The following PPP1R21 variants were observed in gnomAD, a reference collection of about 807,000 sequenced individuals.
PPP1R21 encodes KLRAQ motif containing 1.
Under a neutral mutation model 112.8 loss-of-function variants are expected in PPP1R21, and 85 were observed. That is an observed-to-expected ratio of 0.75 (90% CI 0.63 to 0.90). The LOEUF is 0.90. PPP1R21 is among the 40% of genes least tolerant of loss of function. The probability of loss-of-function intolerance (pLI) is 0.00; values close to 1 mark genes in which losing one functional copy is unlikely to be tolerated. For synonymous variants in PPP1R21, 381 were observed against 322.3 expected (o/e 1.18, Z -1.95); for missense variants, 1,199 against 901.5 (o/e 1.33, Z -4.23).
At chr2:48,504,969 G>C (rs936436733) in intron 17 of PPP1R21, among the ~76,000 whole-genome samples, 2 of 151,986 alleles carry the variant, frequency 1.3e-5, no homozygotes, top group African/African-American at 4.8e-5. Context: ...AATGCAGCCT[G>C]GGTGACAGAG....
At position 48,491,155 on chromosome 2, in the gene PPP1R21, G is replaced by A; in HGVS notation, c.1584G>A (p.Met528Ile). 1.2e-6 allele frequency: 2 copies of A among 1,612,060 alleles called. No homozygotes were observed. Among genetic ancestry groups the A allele is most frequent in the Non-Finnish European group, 1.7e-6 (2 of 1,179,512 alleles). The change falls in exon 15 of 22, where the codon ATG becomes ATA. Residue 528 changes from methionine to isoleucine, a missense_variant. Physicochemically the swap from Met to Ile is conservative, Grantham distance 10. Transcript: ENST00000294952. ...LQYKKKAAAYMKSLRKPLLES... is the reference protein window; with the variant it reads ...LQYKKKAAAYIKSLRKPLLES... Reference sequence around the variant, plus strand: ...ATAAGAAAAAAGCTGCTGCCTATATGAAGTCTTTGAGAAAGGTTTGTTAGC... The same window carrying A: ...ATAAGAAAAAAGCTGCTGCCTATATAAAGTCTTTGAGAAAGGTTTGTTAGC...
chr2:48,474,162 C>T (rs1198914413), intron 11 of PPP1R21, among the ~76,000 whole-genome samples: 1 of 151,038 alleles, frequency 6.6e-6, no homozygotes, highest in Non-Finnish European at 1.5e-5. Context: ...GCAGGCGGAT[C>T]ACCCGAGGTC....
chr2:48,458,408 G>A (rs1667818202), intron 4 of PPP1R21, among the ~76,000 whole-genome samples, 181 bp downstream of exon 4: 1 of 152,148 alleles, frequency 6.6e-6, no homozygotes, highest in Non-Finnish European at 1.5e-5. Flanking sequence ...TCTTAATGTG[G>A]ATGTGTGCTT....
intron 1 of PPP1R21, among the ~76,000 whole-genome samples, chr2:48,446,032 C>A (rs575079764): frequency 3.2e-4 from 48 of 152,166 alleles, no homozygotes; most frequent in African/African-American, 1.2e-3. Flanking sequence ...TTGCACACGT[C>A]ACTTTGTATT....
chr2:48,443,584 T>C (rs1356420595), intron 1 of PPP1R21, among the ~76,000 whole-genome samples: 1 of 152,240 alleles, frequency 6.6e-6, no homozygotes, highest in Non-Finnish European at 1.5e-5. Flanking sequence ...GTAGGAGGCC[T>C]GCCAGACTTG....
intron 9 of PPP1R21, among the ~76,000 whole-genome samples, chr2:48,467,882 C>G (rs1268272028): frequency 6.6e-6 from 1 of 152,202 alleles, no homozygotes; most frequent in Non-Finnish European, 1.5e-5. Flanking sequence ...TACATGTGTG[C>G]TGTAAGTGCC....
intron 3 of PPP1R21, among the ~76,000 whole-genome samples, chr2:48,455,073 A>C (rs1420215030): frequency 6.6e-6 from 1 of 151,782 alleles, no homozygotes; most frequent in Admixed American, 6.6e-5. Flanking sequence ...CCTGGACTCA[A>C]GCGATCCACC....
intron 9 of PPP1R21, 92 bp from the exon 10 acceptor site, chr2:48,470,995 T>A: frequency 1.2e-6 from 1 of 868,376 alleles, no homozygotes; most frequent in Non-Finnish European, 1.9e-6. Context: ...GGTTTACAAT[T>A]TAGGTTTATA....
intron 7 of PPP1R21, among the ~76,000 whole-genome samples, chr2:48,461,923 AAAAG>A (rs1426009146): frequency 6.6e-6 from 1 of 152,216 alleles, no homozygotes; most frequent in East Asian, 1.9e-4. Context: ...AAGACCTAAA[AAAAG>A]AGGAAGAAAA....
intron 17 of PPP1R21, among the ~76,000 whole-genome samples, chr2:48,500,466 T>C (rs993905917): frequency 3.3e-5 from 5 of 152,178 alleles, no homozygotes; most frequent in Admixed American, 1.3e-4. Flanking sequence ...AGAATCATTG[T>C]TTGTTCTGGG....
chr2:48,471,411 T>TAACCA (rs542887997), intron 11 of PPP1R21, 44 bp downstream of exon 11: 3 of 1,539,886 alleles, frequency 1.9e-6, no homozygotes, highest in Non-Finnish European at 2.6e-6. Flanking sequence ...ATTGTGGGTG[T>TAACCA]AACCTGATCT....
At chr2:48,461,626 C>T (rs558248281) in intron 7 of PPP1R21, among the ~76,000 whole-genome samples, 25 of 152,186 alleles carry the variant, frequency 1.6e-4, no homozygotes, top group South Asian at 4.1e-4. Flanking sequence ...TGGTCAATTC[C>T]CAGCAATAGC....
chr2:48,513,676 T>C (rs187619351), intron 21 of PPP1R21, among the ~76,000 whole-genome samples: 49 of 152,320 alleles, frequency 3.2e-4, no homozygotes, highest in African/African-American at 1.1e-3. Context: ...CATCATCTTA[T>C]GGCTGACATT....
chr2:48,502,396 G>C (rs1297022605), intron 17 of PPP1R21, among the ~76,000 whole-genome samples: 1 of 147,912 alleles, frequency 6.8e-6, no homozygotes, highest in Non-Finnish European at 1.5e-5. Flanking sequence ...GTGCACAATA[G>C]AAATAAAAAG....
intron 1 of PPP1R21, among the ~76,000 whole-genome samples, chr2:48,446,350 G>A (rs1455244779): frequency 6.6e-6 from 1 of 152,218 alleles, no homozygotes. Flanking sequence ...AAACAGCTGT[G>A]TGATAGGCCT....
chr2:48,480,978 C>G (rs1037453294), intron 13 of PPP1R21, among the ~76,000 whole-genome samples: 1 of 152,092 alleles, frequency 6.6e-6, no homozygotes, highest in African/African-American at 2.4e-5. Flanking sequence ...GGCTTGTATT[C>G]AATTATAAGG....
chr2:48,511,301 C>T (rs753095308), intron 20 of PPP1R21, 39 bp from the exon 21 acceptor site: 7 of 1,593,386 alleles, frequency 4.4e-6, no homozygotes, highest in South Asian at 2.3e-5. Context: ...TGGTACGACT[C>T]GTGGGATGTT....
intron 9 of PPP1R21, among the ~76,000 whole-genome samples, chr2:48,469,724 A>G (rs540275437): frequency 9.2e-5 from 14 of 151,900 alleles, no homozygotes; most frequent in African/African-American, 3.4e-4. Context: ...GAGTCATTTC[A>G]TTACTTTGAA....
rs750833232 is a variant in PPP1R21, at chr2:48,480,021, G to T, written c.1318+5G>T. The T allele has an allele frequency of 1.3e-6, 2 of 1,594,266 alleles. No homozygotes were observed. The highest frequency in any genetic ancestry group is 1.1e-5 in the South Asian group (1 of 90,686). On this transcript the variant is annotated splice_donor_5th_base_variant and intron_variant, in intron 13 of 21. Transcript: ENST00000294952. ...GATTTCATGACGTTATGAAAGGTAG[G>T]CCTTGAAAAAGAACGTAAGCTTAAA...
Sources: gnomAD v4.1 joint callset for allele counts (sites outside exome capture counted in the v4.1 genomes callset) on GRCh38, gnomAD v4.1.1 for gene constraint, MANE v1.5 for transcripts, NCBI Gene and HGNC (gene_info 2026-07-23, HGNC 2026-07-21) for gene names.